The following RALGAPB variants were observed in gnomAD, a reference collection of about 807,000 sequenced individuals.
The protein encoded by RALGAPB is Ral GTPase activating protein non-catalytic subunit beta, also known as ral GTPase-activating protein subunit beta.
In RALGAPB, 25 loss-of-function variants were observed where a neutral mutation model predicts 161.1. That is an observed-to-expected ratio of 0.16 (90% CI 0.11 to 0.22). The LOEUF (loss-of-function observed/expected upper bound fraction) is 0.22. Among genes scored for constraint, RALGAPB ranks in the 10% least tolerant of loss-of-function variants. The probability of loss-of-function intolerance (pLI) is 1.00; values close to 1 mark genes in which losing one functional copy is unlikely to be tolerated. For missense variants in RALGAPB, 1,391 were observed against 1,815.2 expected (o/e 0.77, Z 4.25); for synonymous variants, 629 against 626.1 (o/e 1.00, Z -0.07).
At chr20:38,488,734 C>A in intron 2 of RALGAPB, 116 bp downstream of exon 2, 1 of 996,182 alleles carries the variant, frequency 1.0e-6, no homozygotes, top group Non-Finnish European at 1.4e-6. Flanking sequence ...AGTAGAATAA[C>A]GTCAACTTTT....
chr20:38,541,585 TAC>T (rs2086968412), intron 18 of RALGAPB, among the ~76,000 whole-genome samples: 1 of 152,204 alleles, frequency 6.6e-6, no homozygotes, highest in Non-Finnish European at 1.5e-5. Flanking sequence ...CCATTTATAT[TAC>T]ATAGTATAGG....
Position 38,493,119 on chromosome 20 carries a change from C to G in RALGAPB, c.376C>G (p.Leu126Val), listed in dbSNP as rs1484306613. Reference protein sequence around the residue: ...VQTILKHLQNLFVPRQEQGSS... With the variant: ...VQTILKHLQNVFVPRQEQGSS... Reference sequence around the variant, plus strand: ...AACTATACTAAAACACCTACAGAATCTTTTTGTACCAAGGTAAGCTATACC... The same window carrying G: ...AACTATACTAAAACACCTACAGAATGTTTTTGTACCAAGGTAAGCTATACC... Residue 126 changes from leucine to valine, a missense_variant, in exon 3 of 30, where the codon CTT becomes GTT. Physicochemically the swap from Leu to Val is conservative, Grantham distance 32 (BLOSUM62 1). Transcript: ENST00000262879. The G allele has an allele frequency of 2.5e-6, 4 of 1,602,360 alleles. No individual in the cohort carries two copies. Among genetic ancestry groups the G allele is most frequent in the Middle Eastern group, 1.9e-4 (1 of 5,194 alleles).
At chr20:38,568,506 C>G (rs1301101113) in intron 26 of RALGAPB, 1 of 152,138 alleles carries the variant, frequency 6.6e-6, no homozygotes, top group Non-Finnish European at 1.5e-5. Flanking sequence ...TCACCACTTA[C>G]GTTCAACATG....
At chr20:38,534,993 C>T in intron 15 of RALGAPB, 81 bp from the exon 16 acceptor site, 1 of 1,495,732 alleles carries the variant, frequency 6.7e-7, no homozygotes, top group Non-Finnish European at 9.2e-7. Flanking sequence ...TGGTCTGTGC[C>T]TAGTGGATGC....
chr20:38,510,398 CTGA>C (rs1415857010), intron 6 of RALGAPB, among the ~76,000 whole-genome samples: 1 of 152,138 alleles, frequency 6.6e-6, no homozygotes, highest in African/African-American at 2.4e-5. Context: ...ATAATATTTA[CTGA>C]TATTTAGTAG....
chr20:38,531,782 A>C (rs2086658748), intron 14 of RALGAPB, among the ~76,000 whole-genome samples: 1 of 152,164 alleles, frequency 6.6e-6, no homozygotes, highest in Admixed American at 6.5e-5. Flanking sequence ...AGTTGGGTAG[A>C]TGTAGTAAGC....
At chr20:38,519,008 G>A (rs573201818) in intron 9 of RALGAPB, among the ~76,000 whole-genome samples, 3 of 152,024 alleles carry the variant, frequency 2.0e-5, no homozygotes, top group Non-Finnish European at 4.4e-5. Context: ...CTCAGAACTA[G>A]GATCTATGTC....
At chr20:38,523,011 G>C (rs562526695) in intron 10 of RALGAPB, among the ~76,000 whole-genome samples, 8 of 151,986 alleles carry the variant, frequency 5.3e-5, no homozygotes, top group Non-Finnish European at 1.2e-4. Context: ...TTCATTAGCC[G>C]GGCATGATGG....
intron 2 of RALGAPB, 112 bp from the exon 3 acceptor site, chr20:38,492,818 G>A (rs1422794541): frequency 8.6e-6 from 7 of 812,432 alleles, no homozygotes; most frequent in Admixed American, 4.6e-5. Flanking sequence ...ACGTTGAGAC[G>A]AATATACTGT....
intron 2 of RALGAPB, among the ~76,000 whole-genome samples, chr20:38,490,868 C>G (rs1186006189): frequency 6.6e-6 from 1 of 152,176 alleles, no homozygotes; most frequent in South Asian, 2.1e-4. Flanking sequence ...TGGTCTCGAA[C>G]TCCTGATCTC....
chr20:38,476,217 T>C (rs1252145331), intron 1 of RALGAPB, among the ~76,000 whole-genome samples: 2 of 152,224 alleles, frequency 1.3e-5, no homozygotes, highest in Non-Finnish European at 1.5e-5. Flanking sequence ...CTAATCATGA[T>C]AGCTTGGGAC....
intron 5 of RALGAPB, 23 bp from the exon 6 acceptor site, chr20:38,509,054 A>G: frequency 1.2e-6 from 2 of 1,609,986 alleles, no homozygotes; most frequent in Non-Finnish European, 1.7e-6. Context: ...AAATGGACTC[A>G]GTGGTGTGCA....
intron 2 of RALGAPB, among the ~76,000 whole-genome samples, chr20:38,489,100 C>T (rs2085204729): frequency 1.3e-5 from 2 of 152,340 alleles, no homozygotes; most frequent in South Asian, 4.1e-4. Flanking sequence ...CTACTCCTTC[C>T]TGGCTTCCAG....
intron 17 of RALGAPB, among the ~76,000 whole-genome samples, 156 bp from the exon 18 acceptor site, chr20:38,540,885 T>C (rs2086943518): frequency 6.6e-6 from 1 of 152,248 alleles, no homozygotes; most frequent in Admixed American, 6.5e-5. Context: ...AAGTTTATTA[T>C]ATTACTATGA....
Position 38,548,689 on chromosome 20 carries a change from A to G in RALGAPB, c.2903A>G (p.Asn968Ser). The stretch of plus-strand genomic sequence containing the variant: ...CTTTTATATACATATTTTATTCTAG[A>G]TGATTTTTTCCCCTCTGTCACTGTG... The part of the protein sequence containing the change: ...MLEQPLGNEQ[N>S]DFFPSVTVLV... Residue 968 changes from asparagine (N) to serine (S), a missense_variant and splice_region_variant, in exon 20 of 30, where the codon AAT becomes AGT. Asn to Ser is a conservative substitution (Grantham distance 46). Around this residue, in one of 3 missense-constraint regions of RALGAPB, gnomAD observed 946 missense variants for 1,257.2 expected, o/e 0.75. Coordinates refer to ENST00000262879, the MANE Select transcript of RALGAPB (RefSeq NM_020336.4). 7.5e-6 allele frequency: 12 copies of G among 1,608,304 alleles called. No homozygotes were observed. Among genetic ancestry groups the G allele is most frequent in the Non-Finnish European group, 9.4e-6 (11 of 1,175,222 alleles).
At chr20:38,492,829 C>T (rs2085317323) in intron 2 of RALGAPB, 101 bp from the exon 3 acceptor site, 2 of 914,366 alleles carry the variant, frequency 2.2e-6, no homozygotes, top group Admixed American at 4.4e-5. Context: ...AATATACTGT[C>T]AATTTAGAGG....
intron 16 of RALGAPB, among the ~76,000 whole-genome samples, chr20:38,536,775 T>A (rs1284476220): frequency 6.6e-6 from 1 of 152,194 alleles, no homozygotes; most frequent in Non-Finnish European, 1.5e-5. Flanking sequence ...TTTTCAGTTA[T>A]GGGAATAGTT....
At chr20:38,473,379 C>T (rs2084707749) in intron 1 of RALGAPB, among the ~76,000 whole-genome samples, 2 of 152,158 alleles carry the variant, frequency 1.3e-5, no homozygotes, top group Admixed American at 6.5e-5. Context: ...AGACAACTCC[C>T]GCAAAGAATT....
chr20:38,552,847 G>T (rs2087426636), intron 21 of RALGAPB, among the ~76,000 whole-genome samples: 1 of 152,150 alleles, frequency 6.6e-6, no homozygotes, highest in Non-Finnish European at 1.5e-5. Flanking sequence ...AAAGTCCTTG[G>T]GATCTGGAAG....
Sources: allele counts gnomAD v4.1 joint callset (sites outside exome capture counted in the v4.1 genomes callset), GRCh38; gene constraint gnomAD v4.1.1; regional missense constraint gnomAD v4.1.1; transcripts MANE v1.5; gene names NCBI Gene and HGNC (gene_info 2026-07-23, HGNC 2026-07-21).